Variants in BABAM2 observed in about 807,000 individuals in gnomAD.
The protein encoded by BABAM2 is BRISC and BRCA1-A complex member 2.
In BABAM2, 31 loss-of-function variants were observed where a neutral mutation model predicts 54.7. The ratio of observed to expected loss-of-function variants is 0.57; its 90% CI spans 0.43 to 0.77. The LOEUF is 0.77. BABAM2 is among the 30% of genes least tolerant of loss of function. BABAM2 has a pLI of 0.00. For synonymous variants in BABAM2, 167 were observed against 162.9 expected (o/e 1.03, Z -0.19); for missense variants, 364 against 455.8 (o/e 0.80, Z 1.83).
chr2:28,249,219 G>A (rs933925718), intron 10 of BABAM2, among the ~76,000 whole-genome samples: 1 of 151,720 alleles, frequency 6.6e-6, no homozygotes, highest in African/African-American at 2.4e-5. Context: ...CTCCCGAGTA[G>A]CTGGGACTAC....
intron 3 of BABAM2, among the ~76,000 whole-genome samples, chr2:27,974,444 T>C (rs1319894706): frequency 1.3e-5 from 2 of 152,154 alleles, no homozygotes; most frequent in Non-Finnish European, 2.9e-5. Context: ...GAAAGCCAAG[T>C]TCAACATTTG....
At chr2:28,065,667 T>A (rs1350579629) in intron 6 of BABAM2, among the ~76,000 whole-genome samples, 1 of 152,200 alleles carries the variant, frequency 6.6e-6, no homozygotes, top group Non-Finnish European at 1.5e-5. Flanking sequence ...AATAAAAACA[T>A]AATTTTAAAA....
chr2:28,174,452 T>G (rs1674696125), intron 7 of BABAM2, among the ~76,000 whole-genome samples: 2 of 152,176 alleles, frequency 1.3e-5, no homozygotes, highest in Non-Finnish European at 1.5e-5. Context: ...ATAATCACAC[T>G]TTGAATAGAG....
chr2:28,134,952 A>G (rs1024372898), intron 7 of BABAM2, among the ~76,000 whole-genome samples: 3 of 152,180 alleles, frequency 2.0e-5, no homozygotes, highest in Non-Finnish European at 4.4e-5. Context: ...TTGGCTGGCA[A>G]TCTTGGCTTA....
chr2:28,180,147 C>T (rs1675459606), intron 7 of BABAM2, among the ~76,000 whole-genome samples: 1 of 151,936 alleles, frequency 6.6e-6, no homozygotes, highest in African/African-American at 2.4e-5. Flanking sequence ...AAAAATTAGG[C>T]TGAATAACCA....
chr2:28,327,382 C>G, intron 11 of BABAM2: 1 of 1,613,666 alleles, frequency 6.2e-7, no homozygotes, highest in Non-Finnish European at 8.5e-7. Context: ...ACTGGCCAAG[C>G]TCCAGAGGGC....
chr2:28,241,394 G>A lies in BABAM2; in HGVS notation c.851+1G>A. ...CTGCTTTTCTCAGTCACTTTGGCACGTAAGTTCTGCCCTGTTTGAACGATA... is the reference window on the plus strand; with the variant it reads ...CTGCTTTTCTCAGTCACTTTGGCACATAAGTTCTGCCCTGTTTGAACGATA... On this transcript the variant is annotated splice_donor_variant, in intron 9 of 11. Transcript: ENST00000379624. LOFTEE classifies it high-confidence loss of function. 5 of 1,613,520 alleles carry A rather than the reference G, an allele frequency of 3.1e-6. No homozygotes were observed. The highest frequency in any genetic ancestry group is 4.2e-6 in the Non-Finnish European group (5 of 1,179,490).
chr2:28,169,928 A>G (rs1674134616), intron 7 of BABAM2, among the ~76,000 whole-genome samples: 1 of 152,176 alleles, frequency 6.6e-6, no homozygotes, highest in South Asian at 2.1e-4. Context: ...GTCCCAGTAT[A>G]GTTTTAAGCT....
chr2:28,284,414 A>G (rs1237283463), intron 10 of BABAM2, among the ~76,000 whole-genome samples: 1 of 151,974 alleles, frequency 6.6e-6, no homozygotes, highest in African/African-American at 2.4e-5. Context: ...AAAAACACTC[A>G]CAAATAAATT....
intron 3 of BABAM2, among the ~76,000 whole-genome samples, chr2:27,976,678 T>A (rs1295376319): frequency 6.6e-6 from 1 of 152,184 alleles, no homozygotes; most frequent in Non-Finnish European, 1.5e-5. Context: ...CTCTTATAGG[T>A]GTACAGAAAA....
chr2:28,002,247 A>C (rs971534784), intron 4 of BABAM2, among the ~76,000 whole-genome samples: 14 of 152,146 alleles, frequency 9.2e-5, no homozygotes, highest in African/African-American at 2.9e-4. Flanking sequence ...TGAACATCAC[A>C]ACACCAAGTT....
chr2:28,083,056 A>G (rs1665318882), intron 6 of BABAM2, among the ~76,000 whole-genome samples: 1 of 152,052 alleles, frequency 6.6e-6, no homozygotes, highest in Admixed American at 6.6e-5. Context: ...ATGATGATCC[A>G]TTCATCCTTC....
At chr2:27,982,612 T>G (rs1672088733) in intron 3 of BABAM2, among the ~76,000 whole-genome samples, 1 of 152,024 alleles carries the variant, frequency 6.6e-6, no homozygotes, top group Non-Finnish European at 1.5e-5. Context: ...AAAAACCCAT[T>G]TAATTGGGAT....
chr2:27,909,146 G>A (rs1256811635), intron 2 of BABAM2, among the ~76,000 whole-genome samples: 3 of 152,100 alleles, frequency 2.0e-5, no homozygotes, highest in Admixed American at 6.5e-5. Context: ...CTGGGCTCAA[G>A]CAATCCTCCC....
intron 6 of BABAM2, among the ~76,000 whole-genome samples, chr2:28,092,247 CATA>C (rs1205078580): frequency 2.6e-5 from 4 of 152,122 alleles, no homozygotes; most frequent in Non-Finnish European, 5.9e-5. Flanking sequence ...AAATAAAAGA[CATA>C]ATGATTGGAA....
intron 7 of BABAM2, among the ~76,000 whole-genome samples, chr2:28,187,187 T>C (rs565778145): frequency 4.4e-4 from 67 of 152,328 alleles, no homozygotes; most frequent in African/African-American, 1.6e-3. Context: ...TCTTGATTCC[T>C]ATTTTCTATC....
At chr2:28,218,152 ATT>A (rs1446047923) in intron 7 of BABAM2, among the ~76,000 whole-genome samples, 2 of 152,222 alleles carry the variant, frequency 1.3e-5, no homozygotes, top group African/African-American at 2.4e-5. Context: ...TTCCTAAACT[ATT>A]TGAGAGTAAA....
intron 7 of BABAM2, among the ~76,000 whole-genome samples, chr2:28,219,043 A>T (rs1331891213): frequency 6.6e-6 from 1 of 152,248 alleles, no homozygotes. Flanking sequence ...CCACAAATTT[A>T]GCAGCTTAAA....
chr2:28,135,503 A>G (rs559256238), intron 7 of BABAM2, among the ~76,000 whole-genome samples: 1 of 152,124 alleles, frequency 6.6e-6, no homozygotes, highest in African/African-American at 2.4e-5. Context: ...TTTGTGGATG[A>G]CACCCAGATC....
Sources: allele counts gnomAD v4.1 joint callset (sites outside exome capture counted in the v4.1 genomes callset), GRCh38; gene constraint gnomAD v4.1.1; transcripts MANE v1.5; gene names NCBI Gene and HGNC (gene_info 2026-07-23, HGNC 2026-07-21).